FANCB: variants seen among roughly 807,000 people sequenced by gnomAD.
FANCB encodes the protein Fanconi anemia group B protein.
FANCB carries 5 observed loss-of-function variants against 38.9 expected under a neutral mutation model. The observed-to-expected ratio is 0.13, with a 90% CI of 0.07 to 0.27. The LOEUF is 0.27. Ranked by LOEUF, FANCB falls within the 10% of genes least tolerant of loss-of-function variation. FANCB has a pLI of 1.00. For synonymous variants in FANCB, 236 were observed against 215.4 expected (o/e 1.10, Z -0.84); for missense variants, 573 against 602.7 (o/e 0.95, Z 0.52).
chrX:14,816,324 AAATT>A, the FANCB span, among the ~76,000 whole-genome samples: 3 of 112,572 alleles, frequency 2.7e-5, no homozygotes, highest in Non-Finnish European at 5.6e-5. Context: ...AAAATAAAAT[AAATT>A]GTTATATAGT....
chrX:14,760,360 G>A, the FANCB span, among the ~76,000 whole-genome samples: 1 of 111,744 alleles, frequency 8.9e-6, no homozygotes, highest in African/African-American at 3.3e-5. Flanking sequence ...TGATCTCATA[G>A]AAGTAGAGAG....
the FANCB span, among the ~76,000 whole-genome samples, chrX:14,697,147 G>T: frequency 2.3e-4 from 26 of 110,784 alleles, no homozygotes; most frequent in South Asian, 1.5e-3. Flanking sequence ...TATATGCCAG[G>T]TACTCTTCTA....
the FANCB span, among the ~76,000 whole-genome samples, chrX:14,797,266 G>A: frequency 8.9e-6 from 1 of 111,782 alleles, no homozygotes; most frequent in African/African-American, 3.3e-5. Flanking sequence ...TGTCCTCATG[G>A]CAGGTTGGCT....
At chrX:14,816,129 T>A in the FANCB span, among the ~76,000 whole-genome samples, 1 of 112,035 alleles carries the variant, frequency 8.9e-6, no homozygotes, top group Non-Finnish European at 1.9e-5. Flanking sequence ...TATACCCATG[T>A]ATCAAAACTG....
At chrX:14,740,302 T>G in the FANCB span, among the ~76,000 whole-genome samples, 8 of 111,252 alleles carry the variant, frequency 7.2e-5, no homozygotes, top group African/African-American at 2.3e-4. Flanking sequence ...ACTGTTTTAG[T>G]CTTCAATGCC....
At chrX:14,857,562 G>T (rs1251490613) in intron 5 of FANCB, among the ~76,000 whole-genome samples, 1 of 111,665 alleles carries the variant, frequency 9.0e-6, no homozygotes, top group Non-Finnish European at 1.9e-5. Flanking sequence ...ACTCTAAAAA[G>T]ATACTGTGGT....
the FANCB span, among the ~76,000 whole-genome samples, chrX:14,715,749 A>G: frequency 8.9e-6 from 1 of 111,759 alleles, no homozygotes; most frequent in Non-Finnish European, 1.9e-5. Context: ...ATGTAATCCT[A>G]TGAGAGAAGT....
At chrX:14,715,880 G>A in the FANCB span, among the ~76,000 whole-genome samples, 4 of 111,710 alleles carry the variant, frequency 3.6e-5, 1 homozygote, top group South Asian at 7.5e-4. Flanking sequence ...ATGGTCCAAC[G>A]GCATCTATTC....
the FANCB span, among the ~76,000 whole-genome samples, chrX:14,818,259 G>GA: frequency 1.8e-5 from 2 of 108,978 alleles, no homozygotes; most frequent in African/African-American, 6.7e-5. Flanking sequence ...GGAGGGATAG[G>GA]AAATGGCAAC....
chrX:14,740,976 G>A, the FANCB span, among the ~76,000 whole-genome samples: 13 of 108,711 alleles, frequency 1.2e-4, no homozygotes, highest in Non-Finnish European at 1.9e-4. Context: ...ACACACACAC[G>A]CACACACACA....
the FANCB span, among the ~76,000 whole-genome samples, chrX:14,723,691 C>A: frequency 7.6e-4 from 85 of 111,673 alleles, 1 homozygote; most frequent in Non-Finnish European, 2.8e-4. Flanking sequence ...CCCTCAATTG[C>A]AGCAAACCCT....
chrX:14,720,489 T>C, the FANCB span, among the ~76,000 whole-genome samples: 1 of 111,230 alleles, frequency 9.0e-6, no homozygotes, highest in Non-Finnish European at 1.9e-5. Context: ...TATGGAGACA[T>C]ACAGAGGATA....
At chrX:14,774,080 A>G in the FANCB span, among the ~76,000 whole-genome samples, 1 of 112,395 alleles carries the variant, frequency 8.9e-6, no homozygotes, top group African/African-American at 3.2e-5. Flanking sequence ...ATGTCAAAAA[A>G]CAGCATAATA....
chrX:14,797,433 G>A, the FANCB span, among the ~76,000 whole-genome samples: 1 of 112,185 alleles, frequency 8.9e-6, no homozygotes, highest in Non-Finnish European at 1.9e-5. Flanking sequence ...TGTAATCCCA[G>A]CACTTAGGGA....
At chrX:14,695,328 CATGGGGGGATA>C in the FANCB span, among the ~76,000 whole-genome samples, 2 of 111,219 alleles carry the variant, frequency 1.8e-5, no homozygotes, top group East Asian at 5.6e-4. Flanking sequence ...AATGTGTGCT[CATGGGGGGATA>C]TATTTTTTCC....
the FANCB span, among the ~76,000 whole-genome samples, chrX:14,703,090 A>G: frequency 8.9e-6 from 1 of 111,966 alleles, no homozygotes; most frequent in Non-Finnish European, 1.9e-5. Context: ...CAAAGCAGTC[A>G]GGGTCTAGAT....
the FANCB span, among the ~76,000 whole-genome samples, chrX:14,740,953 AACACAT>A: frequency 9.1e-6 from 1 of 110,013 alleles, no homozygotes; most frequent in African/African-American, 3.3e-5. Flanking sequence ...CTAATACACA[AACACAT>A]GCACACACAC....
At chrX:14,779,904 T>C in the FANCB span, among the ~76,000 whole-genome samples, 2 of 111,202 alleles carry the variant, frequency 1.8e-5, 1 homozygote, top group African/African-American at 6.7e-5. Context: ...GCTACATTAA[T>C]AAACCTTAGT....
At chrX:14,713,786 G>A in the FANCB span, among the ~76,000 whole-genome samples, 1 of 111,475 alleles carries the variant, frequency 9.0e-6, no homozygotes, top group East Asian at 2.8e-4. Context: ...GAGAACAGCA[G>A]GAGTTAAGGT....
Sources: gnomAD v4.1 joint callset for allele counts (sites outside exome capture counted in the v4.1 genomes callset) on GRCh38, gnomAD v4.1.1 for gene constraint, MANE v1.5 for transcripts, NCBI Gene and HGNC (gene_info 2026-07-23, HGNC 2026-07-21) for gene names.